The following PDSS1 variants were observed in gnomAD, a reference collection of about 807,000 sequenced individuals.
PDSS1 encodes the protein decaprenyl diphosphate synthase subunit 1.
Under a neutral mutation model 57.5 loss-of-function variants are expected in PDSS1, and 43 were observed. The ratio of observed to expected loss-of-function variants is 0.75; its 90% CI spans 0.59 to 0.96. The LOEUF is 0.96. Among genes scored for constraint, PDSS1 ranks in the 50% least tolerant of loss-of-function variants. The probability of loss-of-function intolerance (pLI) is 0.00; values close to 1 mark genes in which losing one functional copy is unlikely to be tolerated. For missense variants in PDSS1, 438 were observed against 527.8 expected, an observed-to-expected ratio of 0.83 and a Z score of 1.67; for synonymous variants, 175 against 191.3, an observed-to-expected ratio of 0.91 and a Z score of 0.70.
At chr10:26,709,850 A>G in intron 5 of PDSS1, 82 bp downstream of exon 5, 4 of 1,448,772 alleles carry the variant, frequency 2.8e-6, no homozygotes, top group Admixed American at 3.4e-5. Flanking sequence ...TTCATTTCCC[A>G]TTTAAGAATT....
chr10:26,735,660 T>C, intron 10 of PDSS1, 81 bp downstream of exon 10: 1 of 814,412 alleles, frequency 1.2e-6, no homozygotes, highest in Non-Finnish European at 2.2e-6. Context: ...GATGGGAAGA[T>C]TGCATAAAGG....
intron 10 of PDSS1, among the ~76,000 whole-genome samples, chr10:26,740,106 C>T (rs1266104366): frequency 1.4e-5 from 2 of 147,218 alleles, no homozygotes; most frequent in African/African-American, 2.6e-5. Flanking sequence ...CGTGCCACTG[C>T]ACTCCAGCCT....
intron 4 of PDSS1, among the ~76,000 whole-genome samples, chr10:26,707,147 T>C (rs976738269): frequency 6.6e-6 from 1 of 152,088 alleles, no homozygotes; most frequent in African/African-American, 2.4e-5. Flanking sequence ...GAGGGGAGCA[T>C]GCTCAGTGTG....
chr10:26,717,560 G>A (rs866028303), intron 5 of PDSS1: 2 of 152,170 alleles, frequency 1.3e-5, no homozygotes, highest in African/African-American at 2.4e-5. Flanking sequence ...TGGATATATA[G>A]TCTATGAAAT....
Position 26,697,831 on chromosome 10 carries a change from C to T in PDSS1, c.120C>T (p.Val40=). Reference sequence around the variant, plus strand: ...TGGGGCCGAGCGCCGCTGCCGAAGTCCGCGCGCAGGTGAGGTTGGGAGGCG... The same window carrying T: ...TGGGGCCGAGCGCCGCTGCCGAAGTTCGCGCGCAGGTGAGGTTGGGAGGCG... ...GPLGPSAAAE[V]RAQVHRRKGL... is the part of the protein sequence containing the mutation. The change falls in exon 1 of 12, where the codon GTC becomes GTT. Residue 40 remains valine, a synonymous_variant. Transcript: ENST00000376215. 4.5e-6 allele frequency: 6 copies of T among 1,339,012 alleles called. No homozygotes were observed. Among genetic ancestry groups the T allele is most frequent in the Non-Finnish European group, 5.8e-6 (6 of 1,038,836 alleles). 82.9% of individuals were successfully genotyped at this position (1,339,012 alleles called of 1,614,324 possible).
intron 5 of PDSS1, among the ~76,000 whole-genome samples, chr10:26,717,149 G>A (rs1428178565): frequency 1.3e-5 from 2 of 152,196 alleles, no homozygotes; most frequent in African/African-American, 4.8e-5. Flanking sequence ...TAGAAGCTGT[G>A]TTACAGTACC....
intron 5 of PDSS1, among the ~76,000 whole-genome samples, chr10:26,710,106 A>G (rs750676082): frequency 7.0e-6 from 1 of 142,834 alleles, no homozygotes; most frequent in African/African-American, 2.6e-5. Context: ...GTGAGCTGAG[A>G]TCACGCCATT....
intron 1 of PDSS1, among the ~76,000 whole-genome samples, chr10:26,701,311 T>C (rs1379613634): frequency 2.6e-5 from 4 of 152,216 alleles, no homozygotes; most frequent in African/African-American, 9.6e-5. Flanking sequence ...AGGAGCCGAA[T>C]GTTAATAGCC....
intron 3 of PDSS1, among the ~76,000 whole-genome samples, 173 bp from the exon 4 acceptor site, chr10:26,705,113 A>AT (rs1835166781): frequency 6.6e-6 from 1 of 152,308 alleles, no homozygotes; most frequent in South Asian, 2.1e-4. Flanking sequence ...TTGATCTGTC[A>AT]TTTAGCAAGA....
intron 1 of PDSS1, 100 bp from the exon 2 acceptor site, chr10:26,702,062 C>T (rs561196874): frequency 1.2e-4 from 52 of 435,048 alleles, no homozygotes; most frequent in South Asian, 6.9e-4. Flanking sequence ...TAAGCCCCTT[C>T]GTTTTGGCCA....
At chr10:26,729,384 G>A (rs1257137653) in intron 8 of PDSS1, among the ~76,000 whole-genome samples, 6 of 152,160 alleles carry the variant, frequency 3.9e-5, no homozygotes, top group African/African-American at 7.2e-5. Flanking sequence ...AGGTAGATAC[G>A]TGTATATCTT....
chr10:26,739,679 A>G (rs1360418496), intron 10 of PDSS1, among the ~76,000 whole-genome samples: 2 of 152,330 alleles, frequency 1.3e-5, no homozygotes, highest in South Asian at 2.1e-4. Context: ...AAAACCTTCT[A>G]GATATCCAGT....
chr10:26,701,558 C>T (rs1835052623), intron 1 of PDSS1, among the ~76,000 whole-genome samples: 1 of 152,218 alleles, frequency 6.6e-6, no homozygotes, highest in South Asian at 2.1e-4. Flanking sequence ...GCCTTGGTGG[C>T]TTCCATGTGC....
At chr10:26,738,755 C>G (rs1836486112) in intron 10 of PDSS1, among the ~76,000 whole-genome samples, 1 of 152,192 alleles carries the variant, frequency 6.6e-6, no homozygotes, top group Admixed American at 6.5e-5. Context: ...CCAGCCAGCA[C>G]TTGACAGAAA....
At chr10:26,705,919 A>G (rs990676008) in intron 4 of PDSS1, among the ~76,000 whole-genome samples, 2 of 152,160 alleles carry the variant, frequency 1.3e-5, no homozygotes, top group East Asian at 3.8e-4. Context: ...AGGGTTGGGA[A>G]CCTGAAGGAA....
chr10:26,714,055 G>A (rs896690082), intron 5 of PDSS1, among the ~76,000 whole-genome samples: 1 of 152,146 alleles, frequency 6.6e-6, no homozygotes, highest in Non-Finnish European at 1.5e-5. Context: ...GTAATCCCAA[G>A]GGATAATCCC....
At chr10:26,702,554 C>T (rs1240434176) in intron 2 of PDSS1, among the ~76,000 whole-genome samples, 1 of 152,200 alleles carries the variant, frequency 6.6e-6, no homozygotes, top group African/African-American at 2.4e-5. Flanking sequence ...TTCCCTTTTC[C>T]TTCTGCCATG....
chr10:26,708,219 G>T (rs953917162), intron 4 of PDSS1, among the ~76,000 whole-genome samples: 1 of 152,182 alleles, frequency 6.6e-6, no homozygotes. Flanking sequence ...CTGAATGAAC[G>T]ATGGGCCCAC....
Position 26,697,776 on chromosome 10 carries a change from G to A in PDSS1, c.65G>A (p.Gly22Glu). ...CSWKPAARSP[G>E]PGSPGRAGPL... Reference sequence around the variant, plus strand: ...TGGAAGCCGGCGGCGCGGAGCCCCGGGCCCGGCTCCCCCGGCCGTGCGGGA... The same window carrying A: ...TGGAAGCCGGCGGCGCGGAGCCCCGAGCCCGGCTCCCCCGGCCGTGCGGGA... Residue 22 changes from glycine to glutamate, a missense_variant, in exon 1 of 12, where the codon GGG becomes GAG. Gly to Glu is a moderately conservative substitution (Grantham distance 98). Around this residue, in one of 2 missense-constraint regions of PDSS1, gnomAD observed 154 missense variants for 137.0 expected, o/e 1.12. Transcript: ENST00000376215. 1 of 1,297,548 alleles carries A rather than the reference G, an allele frequency of 7.7e-7. No homozygotes were observed. The highest frequency in any genetic ancestry group is 9.7e-7 in the Non-Finnish European group (1 of 1,027,938). The allele number at this position is 1,297,548 out of a possible 1,614,324, so 80.4% of individuals were successfully genotyped here.
Sources: gnomAD v4.1 joint callset for allele counts (sites outside exome capture counted in the v4.1 genomes callset) on GRCh38, gnomAD v4.1.1 for gene constraint, gnomAD v4.1.1 regional missense constraint, MANE v1.5 for transcripts, NCBI Gene and HGNC (gene_info 2026-07-23, HGNC 2026-07-21) for gene names.